Variants in PPP1R9A observed in about 807,000 individuals in gnomAD.
The protein encoded by PPP1R9A is protein phosphatase 1 regulatory subunit 9A.
In PPP1R9A, 59 loss-of-function variants were observed where a neutral mutation model predicts 141.9. The observed-to-expected ratio is 0.42, with a 90% CI of 0.34 to 0.52. The LOEUF (loss-of-function observed/expected upper bound fraction) is 0.52. PPP1R9A is among the 20% of genes least tolerant of loss of function. PPP1R9A has a pLI of 0.10. For synonymous variants in PPP1R9A, 500 were observed against 569.7 expected (o/e 0.88, Z 1.74); for missense variants, 1,444 against 1,611.9 (o/e 0.90, Z 1.78).
At chr7:94,983,904 G>T (rs190471150) in intron 2 of PPP1R9A, among the ~76,000 whole-genome samples, 1 of 152,264 alleles carries the variant, frequency 6.6e-6, no homozygotes, top group East Asian at 1.9e-4. Context: ...TCCCTGTCTT[G>T]TGCCAGTTTT....
chr7:94,967,777 G>A (rs1027611709), intron 2 of PPP1R9A, among the ~76,000 whole-genome samples: 3 of 150,110 alleles, frequency 2.0e-5, no homozygotes, highest in Admixed American at 1.3e-4. Context: ...CTGGGAGACT[G>A]TTTGTTGTGA....
At chr7:95,138,011 C>T (rs1012643200) in intron 4 of PPP1R9A, among the ~76,000 whole-genome samples, 10 of 149,294 alleles carry the variant, frequency 6.7e-5, no homozygotes, top group African/African-American at 2.0e-4. Flanking sequence ...CGGCTCACTG[C>T]GAACCCCGCC....
chr7:95,283,473 G>A (rs1421712201), intron 16 of PPP1R9A, among the ~76,000 whole-genome samples: 5 of 152,246 alleles, frequency 3.3e-5, no homozygotes, highest in South Asian at 4.2e-4. Context: ...GATCTCCTAC[G>A]CCTCCTGTGA....
chr7:95,046,660 C>G (rs1400661723), intron 2 of PPP1R9A, among the ~76,000 whole-genome samples: 2 of 152,202 alleles, frequency 1.3e-5, no homozygotes, highest in African/African-American at 4.8e-5. Context: ...AGGGAATTCT[C>G]TGTCATGCAT....
chr7:95,019,279 CA>C (rs1327335781), intron 2 of PPP1R9A, among the ~76,000 whole-genome samples: 1 of 152,092 alleles, frequency 6.6e-6, no homozygotes, highest in Non-Finnish European at 1.5e-5. Context: ...CCTGTAATCC[CA>C]GCTGAGGCAC....
intron 2 of PPP1R9A, among the ~76,000 whole-genome samples, chr7:94,986,365 C>A (rs548349657): frequency 6.6e-6 from 1 of 152,178 alleles, no homozygotes; most frequent in Admixed American, 6.5e-5. Flanking sequence ...ACCTGGAGGA[C>A]ATTATACTAA....
At chr7:95,235,998 G>A (rs550118387) in intron 8 of PPP1R9A, among the ~76,000 whole-genome samples, 39 of 152,268 alleles carry the variant, frequency 2.6e-4, no homozygotes, top group South Asian at 4.1e-4. Context: ...AAGTGAAAAG[G>A]TGGGGTGGCA....
chr7:94,983,201 G>T (rs1007208774), intron 2 of PPP1R9A, among the ~76,000 whole-genome samples: 17 of 152,126 alleles, frequency 1.1e-4, no homozygotes, highest in Non-Finnish European at 1.9e-4. Context: ...CTCTGTTTTT[G>T]TACCAGTACC....
intron 2 of PPP1R9A, among the ~76,000 whole-genome samples, chr7:94,983,494 C>T (rs1257283360): frequency 6.6e-6 from 1 of 152,096 alleles, no homozygotes; most frequent in East Asian, 1.9e-4. Context: ...TTTGTGTCAT[C>T]TTTTATTTCA....
intron 2 of PPP1R9A, among the ~76,000 whole-genome samples, chr7:95,086,012 TC>T (rs1402683365): frequency 2.1e-4 from 32 of 152,024 alleles, no homozygotes; most frequent in African/African-American, 6.0e-4. Context: ...GTGTTTTTTT[TC>T]TTTTTTTAAA....
In PPP1R9A at chr7:95,293,673, A is replaced by G. The variant is rs1806672599; in HGVS notation, c.*3370A>G. 1 of 152,216 alleles carries G rather than the reference A, an allele frequency of 6.6e-6. No homozygotes were observed. Among genetic ancestry groups the G allele is most frequent in the South Asian group, 2.1e-4 (1 of 4,836 alleles). 9.4% of individuals were successfully genotyped at this position (152,216 alleles called of 1,614,324 possible). Reference sequence around the variant, plus strand: ...ATCATCACTAGCCTGAAATCTTAAAATATCCCAGTCCCAAGCTACAAAAAT... The same window carrying G: ...ATCATCACTAGCCTGAAATCTTAAAGTATCCCAGTCCCAAGCTACAAAAAT... On this transcript the variant is annotated 3_prime_UTR_variant, in exon 20 of 20. Coordinates refer to ENST00000433360, the MANE Select transcript of PPP1R9A (RefSeq NM_001166160.2).
intron 2 of PPP1R9A, among the ~76,000 whole-genome samples, chr7:95,010,034 C>G (rs1411045216): frequency 6.6e-6 from 1 of 152,110 alleles, no homozygotes; most frequent in African/African-American, 2.4e-5. Flanking sequence ...ATGTACTATT[C>G]AGAGGGTACA....
At chr7:94,965,951 A>G (rs1005207329) in intron 2 of PPP1R9A, among the ~76,000 whole-genome samples, 3 of 152,316 alleles carry the variant, frequency 2.0e-5, no homozygotes, top group African/African-American at 7.2e-5. Flanking sequence ...CCTATCCATG[A>G]GTATGGAATG....
chr7:95,037,580 A>C (rs1207033207), intron 2 of PPP1R9A, among the ~76,000 whole-genome samples: 3 of 152,172 alleles, frequency 2.0e-5, no homozygotes, highest in Non-Finnish European at 4.4e-5. Flanking sequence ...CCAGGTTTGC[A>C]CTATTGTAAT....
Position 95,120,705 on chromosome 7 carries a change from T to G in PPP1R9A, c.1529-7T>G. On this transcript the variant is annotated splice_region_variant and splice_polypyrimidine_tract_variant and intron_variant, in intron 3 of 19. Transcript: ENST00000433360. ...TTTCACCTCCCCCCTTTTTTTCTTT[T>G]TAATAGATGAGGATGGTCTTGGTAT... 1 of 1,609,054 alleles carries G rather than the reference T, an allele frequency of 6.2e-7. No individual in the cohort carries two copies. Among genetic ancestry groups the G allele is most frequent in the African/African-American group, 1.3e-5 (1 of 74,868 alleles).
At position 95,202,644 on chromosome 7, in the gene PPP1R9A, T is replaced by G. The variant is rs1054559754; in HGVS notation, c.1891-1021T>G. On this transcript the variant is annotated intron_variant, in intron 6 of 19. Coordinates refer to ENST00000433360, the MANE Select transcript of PPP1R9A (RefSeq NM_001166160.2). ...CATGACACTCGGGGGGTATGATAAATTTTTCAACTAGAATTTAACTTTTTA... is the reference window on the plus strand; with the variant it reads ...CATGACACTCGGGGGGTATGATAAAGTTTTCAACTAGAATTTAACTTTTTA... 3 of 885,852 alleles carry G rather than the reference T, an allele frequency of 3.4e-6. No homozygotes were observed. The African/African-American group carries it at 5.5e-5, about 16-fold the overall frequency. The allele number at this position is 885,852 out of a possible 1,614,324, so 54.9% of individuals were successfully genotyped here. A position where few individuals can be genotyped will look rare whatever the true frequency, so the allele number is the denominator to read the frequency against.
chr7:95,241,669 A>G (rs1797486752), intron 8 of PPP1R9A, among the ~76,000 whole-genome samples: 1 of 152,146 alleles, frequency 6.6e-6, no homozygotes, highest in African/African-American at 2.4e-5. Context: ...AATTGCAACA[A>G]TTAAAAAAAT....
intron 7 of PPP1R9A, among the ~76,000 whole-genome samples, chr7:95,210,698 G>A (rs148788979): frequency 3.7e-4 from 56 of 152,226 alleles, no homozygotes; most frequent in Admixed American, 1.6e-3. Flanking sequence ...ACATGCACAC[G>A]TATGTTTATT....
chr7:95,118,356 G>T (rs1821885457), intron 3 of PPP1R9A, among the ~76,000 whole-genome samples: 1 of 152,248 alleles, frequency 6.6e-6, no homozygotes, highest in East Asian at 1.9e-4. Context: ...CTTAATAAAT[G>T]TAATGAATGA....
Sources: allele counts gnomAD v4.1 joint callset (sites outside exome capture counted in the v4.1 genomes callset), GRCh38; gene constraint gnomAD v4.1.1; transcripts MANE v1.5; gene names NCBI Gene and HGNC (gene_info 2026-07-23, HGNC 2026-07-21).